Variants in IFT27 observed in about 807,000 individuals in gnomAD.
The protein encoded by IFT27 is intraflagellar transport protein 27 homolog.
Under a neutral mutation model 23.9 loss-of-function variants are expected in IFT27, and 19 were observed. The observed-to-expected ratio is 0.79, with a 90% confidence interval of 0.55 to 1.16. IFT27 has a LOEUF of 1.16. Among genes scored for constraint, IFT27 ranks in the 50% most tolerant of loss-of-function variants. IFT27 has a pLI of 0.00. For synonymous variants in IFT27, 91 were observed against 89.1 expected, an observed-to-expected ratio of 1.02 and a Z score of -0.12; for missense variants, 206 against 228.7, an observed-to-expected ratio of 0.90 and a Z score of 0.64.
chr22:36,766,715 C>T (rs1264245125), intron 3 of IFT27, among the ~76,000 whole-genome samples: 1 of 152,110 alleles, frequency 6.6e-6, no homozygotes, highest in African/African-American at 2.4e-5. Flanking sequence ...CCTTCCTGCC[C>T]TGTCCAAACC....
intron 1 of IFT27, among the ~76,000 whole-genome samples, chr22:36,768,816 G>A (rs993233014): frequency 2.0e-5 from 3 of 151,824 alleles, no homozygotes; most frequent in South Asian, 2.1e-4. Flanking sequence ...TGAGTCTTAC[G>A]TGGACTTGCA....
At chr22:36,770,571 C>T (rs1252552472) in intron 1 of IFT27, among the ~76,000 whole-genome samples, 1 of 152,228 alleles carries the variant, frequency 6.6e-6, no homozygotes, top group Non-Finnish European at 1.5e-5. Flanking sequence ...TACAGCCAAG[C>T]TCCGTCATGC....
chr22:36,767,377 C>G lies in IFT27; in HGVS notation c.115-12G>C. 2.5e-6 allele frequency: 4 copies of G among 1,610,286 alleles called. No individual in the cohort carries two copies. Among genetic ancestry groups the G allele is most frequent in the Non-Finnish European group, 3.4e-6 (4 of 1,177,792 alleles). On this transcript the variant is annotated splice_polypyrimidine_tract_variant and intron_variant, in intron 2 of 6. Transcript: ENST00000433985. ...TCCATTCCTGTTGTCTGCCGAGGAACACCAAGAATGTTAGCACTGAGGGCC... is the reference window on the plus strand; with the variant it reads ...TCCATTCCTGTTGTCTGCCGAGGAAGACCAAGAATGTTAGCACTGAGGGCC...
chr22:36,771,953 T>A (rs1285917323), intron 1 of IFT27, among the ~76,000 whole-genome samples: 1 of 152,004 alleles, frequency 6.6e-6, no homozygotes, highest in Non-Finnish European at 1.5e-5. Context: ...ACCTTCCCAC[T>A]CTCTCCCTAG....
chr22:36,769,679 C>A lies in IFT27; in HGVS notation c.35-1817G>T, dbSNP rs149945027. ...TAATGCTGTCCCTCCAAGCCCTCCT[C>A]ACCGCCTTCCATGACATCTGGGGCA... is the stretch of plus-strand genomic sequence containing the variant. On this transcript the variant is annotated intron_variant, in intron 1 of 6. Coordinates refer to ENST00000433985, the MANE Select transcript of IFT27 (RefSeq NM_001177701.3). Among the ~76,000 whole-genome samples the A allele has an allele frequency of 2.0e-5, 3 of 152,270 alleles. No homozygotes were observed. The East Asian group carries it at 5.8e-4, about 29-fold the overall frequency.
rs1938482764 is a variant in IFT27, at chr22:36,775,609, GGAT to G, written c.34+62_34+64del. On this transcript the variant is annotated intron_variant, in intron 1 of 6. Coordinates refer to ENST00000433985, the MANE Select transcript of IFT27 (RefSeq NM_001177701.3). ...GGCAATTTAGGTGAACAAAAGCTCT[GGAT>G]GAATTATGAAGGCTCTGGACTCCAG... 7 of 1,560,638 alleles carry G rather than the reference GGAT, an allele frequency of 4.5e-6. No individual in the cohort carries two copies. The South Asian group carries it at 6.7e-5, about 15-fold the overall frequency.
intron 1 of IFT27, chr22:36,768,161 T>C: frequency 1.9e-6 from 1 of 521,334 alleles, no homozygotes. Context: ...GAACTGACGC[T>C]CTTCCACTGA....
chr22:36,763,764 T>C, intron 5 of IFT27, 155 bp downstream of exon 5: 2 of 711,756 alleles, frequency 2.8e-6, no homozygotes, highest in Non-Finnish European at 5.2e-6. Flanking sequence ...GAGGTTGGCA[T>C]GGCTGCTAAG....
intron 1 of IFT27, 56 bp from the exon 2 acceptor site, chr22:36,767,918 T>C: frequency 2.1e-6 from 3 of 1,429,000 alleles, no homozygotes; most frequent in Non-Finnish European, 3.0e-6. Context: ...GACTTGAGAA[T>C]CTCCCGCTGC....
rs372969536 is a variant in IFT27 at position 36,766,126 on chromosome 22, C to G, written c.234+12G>C. On this transcript the variant is annotated intron_variant, in intron 4 of 6. Coordinates refer to ENST00000433985, the MANE Select transcript of IFT27 (RefSeq NM_001177701.3). The stretch of plus-strand genomic sequence containing the variant: ...GTGGTGACAGTCAGGAAAAAGACCA[C>G]GTGCTACTTGCCAATTTATCCAGCA... The G allele has an allele frequency of 2.5e-6, 4 of 1,612,112 alleles. No individual in the cohort carries two copies. Among genetic ancestry groups the G allele is most frequent in the Non-Finnish European group, 3.4e-6 (4 of 1,178,124 alleles).
At chr22:36,763,146 C>G (rs1460741798) in intron 5 of IFT27, 133 bp from the exon 6 acceptor site, 2 of 550,188 alleles carry the variant, frequency 3.6e-6, no homozygotes, top group South Asian at 3.8e-5. Context: ...GTGGTGAGCC[C>G]CCCCACAGGG....
chr22:36,768,367 A>G (rs868185125), intron 1 of IFT27: 4 of 316,820 alleles, frequency 1.3e-5, no homozygotes, highest in South Asian at 8.0e-5. Context: ...GTGGGAAGCA[A>G]GAAGTCTGAG....
chr22:36,760,269 C>G (rs192860047), intron 6 of IFT27: 14 of 152,304 alleles, frequency 9.2e-5, no homozygotes, highest in Non-Finnish European at 1.5e-4. Flanking sequence ...AGCGCACGCA[C>G]GGGGATTTCA....
In IFT27 at chr22:36,775,997, G is replaced by A; in HGVS notation, c.-290C>T. 1 of 545,644 alleles carries A rather than the reference G, an allele frequency of 1.8e-6. No individual in the cohort carries two copies. 33.8% of individuals were successfully genotyped at this position (545,644 alleles called of 1,614,324 possible). A position where few individuals can be genotyped will look rare whatever the true frequency, so the allele number is the denominator to read the frequency against. On this transcript the variant is annotated 5_prime_UTR_variant, in exon 1 of 7. Coordinates refer to ENST00000433985, the MANE Select transcript of IFT27 (RefSeq NM_001177701.3). ...AGGTGCAAGCGAGCGGACACGGCCT[G>A]TGCTCCCCGCCCAGCCCCTCAGCAC...
intron 6 of IFT27, chr22:36,761,786 C>G (rs569717678): frequency 1.3e-5 from 2 of 152,306 alleles, no homozygotes; most frequent in Non-Finnish European, 2.9e-5. Context: ...CCTAAGGAAG[C>G]ATGCTGCTTT....
chr22:36,768,546 C>G (rs1457885180), intron 1 of IFT27: 1 of 166,812 alleles, frequency 6.0e-6, no homozygotes, highest in Non-Finnish European at 1.3e-5. Context: ...GCTTTATCTC[C>G]CTCTCCTCTG....
In IFT27 at chr22:36,758,244, TTA is replaced by T. The variant is rs2145910090; in HGVS notation, c.*65_*66del. 6 of 1,217,834 alleles carry T rather than the reference TTA, an allele frequency of 4.9e-6. No homozygotes were observed. In the East Asian group the frequency reaches 1.4e-4, roughly 28 times the overall value. 75.4% of individuals were successfully genotyped at this position (1,217,834 alleles called of 1,614,324 possible). On this transcript the variant is annotated 3_prime_UTR_variant, in exon 7 of 7. Transcript: ENST00000433985. ...CTCCTAATTTTATTTAAAGCCATCA[TTA>T]TATATTAAAAGAGCAGAGGTAATTC...
intron 4 of IFT27, among the ~76,000 whole-genome samples, chr22:36,765,524 A>G (rs769290105): frequency 2.6e-5 from 4 of 152,216 alleles, no homozygotes; most frequent in Admixed American, 6.5e-5. Context: ...AACTGTTCCC[A>G]TTAAAATGTG....
In IFT27 at chr22:36,758,357, T is replaced by C. The variant is rs759231913; in HGVS notation, c.515A>G (p.His172Arg). ...APFHCLAKQFHQLYREKVEVF... is the reference protein window; with the variant it reads ...APFHCLAKQFRQLYREKVEVF... ...CTCCACCTTCTCCCGGTACAGCTGG[T>C]GGAACTGCTTGGCAAGGCAGTGGAA... Residue 172 changes from histidine (H) to arginine (R), a missense_variant, in exon 7 of 7, where the codon CAC becomes CGC. Coordinates refer to ENST00000433985, the MANE Select transcript of IFT27 (RefSeq NM_001177701.3). The C allele has an allele frequency of 6.2e-7, 1 of 1,614,172 alleles. No individual in the cohort carries two copies. The highest frequency in any genetic ancestry group is 2.2e-5 in the East Asian group (1 of 44,882).
Sources: gnomAD v4.1 joint callset for allele counts (sites outside exome capture counted in the v4.1 genomes callset) on GRCh38, gnomAD v4.1.1 for gene constraint, MANE v1.5 for transcripts, NCBI Gene and HGNC (gene_info 2026-07-23, HGNC 2026-07-21) for gene names.